The following ARHGEF9 variants were observed in gnomAD, a reference collection of about 807,000 sequenced individuals.
ARHGEF9 encodes the protein Cdc42 guanine nucleotide exchange factor 9.
In ARHGEF9, 2 loss-of-function variants were observed where a neutral mutation model predicts 41.3. The observed-to-expected ratio is 0.05, with a 90% confidence interval of 0.02 to 0.15. The LOEUF is 0.15. Among genes scored for constraint, ARHGEF9 ranks in the 10% least tolerant of loss-of-function variants. The pLI is 1.00. For synonymous variants in ARHGEF9, 160 were observed against 154.4 expected, an observed-to-expected ratio of 1.04 and a Z score of -0.27; for missense variants, 225 against 424.7, an observed-to-expected ratio of 0.53 and a Z score of 4.13.
chrX:63,750,901 T>G (rs1304139265), intron 1 of ARHGEF9, among the ~76,000 whole-genome samples: 5 of 111,427 alleles, frequency 4.5e-5, no homozygotes, highest in African/African-American at 1.6e-4. Flanking sequence ...CTGTTCTTTC[T>G]TTGTTCCCTC....
At chrX:63,688,924 A>G (rs1389338009) in intron 4 of ARHGEF9, among the ~76,000 whole-genome samples, 21 of 112,364 alleles carry the variant, frequency 1.9e-4, no homozygotes, top group African/African-American at 5.5e-4. Context: ...TTAAGTTGTC[A>G]TCAGTTTATA....
At chrX:63,675,544 T>C (rs1370397582) in intron 5 of ARHGEF9, among the ~76,000 whole-genome samples, 1 of 112,298 alleles carries the variant, frequency 8.9e-6, no homozygotes, top group Non-Finnish European at 1.9e-5. Flanking sequence ...TGGGGAAAAG[T>C]ATAGTTTATT....
intron 9 of ARHGEF9, chrX:63,640,186 T>C (rs1556304190): frequency 1.8e-5 from 2 of 112,383 alleles, no homozygotes; most frequent in African/African-American, 6.5e-5. Context: ...AATTTGATCA[T>C]TACACATTGT....
At chrX:63,694,612 C>T (rs1556385438) in intron 4 of ARHGEF9, among the ~76,000 whole-genome samples, 1 of 112,381 alleles carries the variant, frequency 8.9e-6, no homozygotes, top group East Asian at 2.8e-4. Flanking sequence ...AGATTATATA[C>T]TGTATGATTT....
intron 4 of ARHGEF9, among the ~76,000 whole-genome samples, chrX:63,695,543 CA>C (rs2051682591): frequency 8.9e-6 from 1 of 112,001 alleles, no homozygotes; most frequent in African/African-American, 3.2e-5. Context: ...ACATCCTTAA[CA>C]TTTATAAATA....
intron 7 of ARHGEF9, chrX:63,657,384 G>C (rs1287729741): frequency 9.0e-6 from 1 of 111,613 alleles, no homozygotes; most frequent in Non-Finnish European, 1.9e-5. Flanking sequence ...GCTGGGAAAG[G>C]CTACCTTGCA....
chrX:63,774,620 C>T (rs2056260256), intron 1 of ARHGEF9, among the ~76,000 whole-genome samples: 2 of 111,289 alleles, frequency 1.8e-5, no homozygotes, highest in African/African-American at 6.5e-5. Context: ...ATGTTGTACC[C>T]TCTGCTTGGA....
rs782166488 is a variant in ARHGEF9, at chrX:63,666,014, C to T, written c.949G>A (p.Glu317Lys). Reference protein sequence around the residue: ...WQASVLDWEGEDILDRSSELI... With the variant: ...WQASVLDWEGKDILDRSSELI... ...TCCGAGCTCCTGTCTAGGATGTCCT[C>T]GCCCTGGGAAGGACATGTGATGATG... Residue 317 changes from glutamate (E) to lysine (K), a missense_variant, in exon 7 of 10, where the codon GAG (glutamate) becomes AAG (lysine). Glu to Lys is a moderately conservative substitution (Grantham distance 56). Transcript: ENST00000671741. The T allele has an allele frequency of 3.6e-5, 43 of 1,206,367 alleles. No homozygotes were observed. The highest frequency in any genetic ancestry group is 1.2e-4 in the East Asian group (4 of 33,655).
At chrX:63,774,045 ATATCTATCTATCTATCTATCTATCTATC>A (rs3051724) in intron 1 of ARHGEF9, among the ~76,000 whole-genome samples, 1 of 99,012 alleles carries the variant, frequency 1.0e-5, no homozygotes, top group African/African-American at 3.8e-5. Flanking sequence ...ATCCATTATA[ATATCTATCTATCTATCTATCTATCTATC>A]TATCTATCTA....
At chrX:63,724,361 C>T (rs1296210998) in intron 2 of ARHGEF9, among the ~76,000 whole-genome samples, 171 bp downstream of exon 2, 1 of 110,097 alleles carries the variant, frequency 9.1e-6, no homozygotes, top group African/African-American at 3.3e-5. Flanking sequence ...ATTAAAAGGG[C>T]ACAGATTAAA....
chrX:63,755,367 G>C (rs2055896983), intron 1 of ARHGEF9: 1 of 478,359 alleles, frequency 2.1e-6, no homozygotes, highest in Non-Finnish European at 3.0e-6. Context: ...TTCTGGTTTG[G>C]GGGTGGGGAG....
At chrX:63,691,353 T>C (rs188637708) in intron 4 of ARHGEF9, among the ~76,000 whole-genome samples, 9 of 108,884 alleles carry the variant, frequency 8.3e-5, no homozygotes, top group Admixed American at 3.9e-4. Flanking sequence ...TAGTGAACAA[T>C]CTGAAAAAGA....
chrX:63,714,956 T>C (rs2053197385), intron 2 of ARHGEF9, among the ~76,000 whole-genome samples: 1 of 111,931 alleles, frequency 8.9e-6, no homozygotes, highest in African/African-American at 3.2e-5. Context: ...AATGGAGACT[T>C]ACTTAGTCGA....
At chrX:63,778,831 C>G (rs781815030) in intron 1 of ARHGEF9, among the ~76,000 whole-genome samples, 1 of 111,947 alleles carries the variant, frequency 8.9e-6, no homozygotes, top group African/African-American at 3.3e-5. Flanking sequence ...TGCTCCAGTT[C>G]GCAATAAGTT....
intron 1 of ARHGEF9, among the ~76,000 whole-genome samples, chrX:63,739,015 G>C (rs1313423986): frequency 1.2e-4 from 13 of 111,948 alleles, no homozygotes; most frequent in African/African-American, 3.2e-4. Context: ...GAGGCCAGGT[G>C]AAATTCAGCC....
intron 1 of ARHGEF9, among the ~76,000 whole-genome samples, chrX:63,772,794 C>A (rs1556455717): frequency 9.0e-6 from 1 of 111,554 alleles, no homozygotes; most frequent in Non-Finnish European, 1.9e-5. Context: ...ACTTGTCCCC[C>A]TCTCTCACTG....
At chrX:63,710,600 A>G (rs2052870907) in intron 2 of ARHGEF9, among the ~76,000 whole-genome samples, 2 of 111,228 alleles carry the variant, frequency 1.8e-5, no homozygotes, top group Admixed American at 9.6e-5. Flanking sequence ...CAACAGGCAC[A>G]GAAAAGGCAT....
chrX:63,767,105 A>C, intron 1 of ARHGEF9: 2 of 987,870 alleles, frequency 2.0e-6, no homozygotes, highest in Non-Finnish European at 2.9e-6. Context: ...CATCTCTAGC[A>C]GTGAACACTT....
chrX:63,737,742 T>G (rs2054705055), intron 1 of ARHGEF9, among the ~76,000 whole-genome samples: 1 of 112,011 alleles, frequency 8.9e-6, no homozygotes, highest in Admixed American at 9.4e-5. Context: ...ATGAGCTCAC[T>G]GGACCCACCC....
Sources: gnomAD v4.1 joint callset for allele counts (sites outside exome capture counted in the v4.1 genomes callset) on GRCh38, gnomAD v4.1.1 for gene constraint, MANE v1.5 for transcripts, NCBI Gene and HGNC (gene_info 2026-07-23, HGNC 2026-07-21) for gene names.